Variants in LRRIQ3 observed in about 807,000 individuals in gnomAD.
LRRIQ3 encodes the protein leucine-rich repeat and IQ domain-containing protein 3.
In LRRIQ3, 75 loss-of-function variants were observed where a neutral mutation model predicts 59.3. The observed-to-expected ratio is 1.26, with a 90% CI of 1.05 to 1.53. The LOEUF is 1.53. Among genes scored for constraint, LRRIQ3 ranks in the 40% most tolerant of loss-of-function variants. The pLI, the probability that LRRIQ3 is intolerant of heterozygous loss-of-function variation, is 0.00. For synonymous variants in LRRIQ3, 250 were observed against 231.3 expected, an observed-to-expected ratio of 1.08 and a Z score of -0.73; for missense variants, 831 against 710.0, an observed-to-expected ratio of 1.17 and a Z score of -1.94.
chr1:74,179,207 T>A (rs1209376303), intron 3 of LRRIQ3, among the ~76,000 whole-genome samples: 1 of 152,076 alleles, frequency 6.6e-6, no homozygotes, highest in Non-Finnish European at 1.5e-5. Context: ...TGATTTTAGA[T>A]AACTAAGCAC....
chr1:74,152,236 GATTATA>G (rs1488447455), intron 4 of LRRIQ3, among the ~76,000 whole-genome samples: 1 of 151,396 alleles, frequency 6.6e-6, no homozygotes, highest in African/African-American at 2.4e-5. Context: ...AAACCAGAAG[GATTATA>G]ATTATAAATG....
At chr1:74,134,630 T>A (rs1647089546) in intron 4 of LRRIQ3, among the ~76,000 whole-genome samples, 1 of 151,670 alleles carries the variant, frequency 6.6e-6, no homozygotes, top group Admixed American at 6.6e-5. Context: ...GGTAGAGGGA[T>A]TTAAGTTTTA....
At chr1:74,094,825 C>G (rs1015854620) in intron 5 of LRRIQ3, among the ~76,000 whole-genome samples, 22 of 152,066 alleles carry the variant, frequency 1.4e-4, no homozygotes, top group African/African-American at 4.8e-4. Context: ...GTGACATAAG[C>G]TTTTAGGTTT....
intron 5 of LRRIQ3, 101 bp downstream of exon 5, chr1:74,109,293 G>A (rs1187624687): frequency 2.4e-6 from 2 of 831,306 alleles, no homozygotes; most frequent in African/African-American, 1.7e-5. Flanking sequence ...ATGTAATGAA[G>A]GACATTTAAT....
intron 6 of LRRIQ3, among the ~76,000 whole-genome samples, chr1:74,073,315 C>A (rs1655078219): frequency 1.3e-5 from 2 of 152,030 alleles, no homozygotes; most frequent in Non-Finnish European, 2.9e-5. Flanking sequence ...AGTTCAAGAC[C>A]AGCCTGGGCA....
Position 74,041,357 on chromosome 1 carries a change from C to A in LRRIQ3, c.1574G>T (p.Arg525Leu). ...AAGTAGTCCTCTGGTCAAAAGAGTG[C>A]GCTCATTATTTAAGTTTTGAACTAA... ...RLLVQNLNNE[R>L]TLLTRGLLKI... is the part of the protein sequence containing the mutation. Residue 525 changes from arginine (R) to leucine (L), a missense_variant, in exon 7 of 8, where the codon CGC becomes CTC. By Grantham distance (102) the Arg-to-Leu change is moderately radical. Transcript: ENST00000354431. The A allele has an allele frequency of 1.2e-6, 2 of 1,613,758 alleles. No individual in the cohort carries two copies. Among genetic ancestry groups the A allele is most frequent in the Non-Finnish European group, 1.7e-6 (2 of 1,179,868 alleles).
At chr1:74,110,712 T>A (rs563159007) in intron 4 of LRRIQ3, among the ~76,000 whole-genome samples, 2 of 152,226 alleles carry the variant, frequency 1.3e-5, no homozygotes, top group East Asian at 3.9e-4. Flanking sequence ...TAAGATGTTT[T>A]AAGCAGACTC....
chr1:74,085,836 C>G (rs927428887), intron 5 of LRRIQ3, among the ~76,000 whole-genome samples: 2 of 151,998 alleles, frequency 1.3e-5, no homozygotes, highest in South Asian at 4.1e-4. Context: ...AGACTTTGCT[C>G]TCAATAATTG....
intron 4 of LRRIQ3, among the ~76,000 whole-genome samples, chr1:74,125,197 T>C (rs1259138202): frequency 6.6e-6 from 1 of 151,900 alleles, no homozygotes; most frequent in Non-Finnish European, 1.5e-5. Flanking sequence ...GGTTTTTCTA[T>C]GTTGATTTTG....
chr1:74,198,135 T>A lies in LRRIQ3; in HGVS notation c.-140A>T. 6.9e-7 allele frequency: 1 copy of A among 1,458,598 alleles called. No individual in the cohort carries two copies. The allele number at this position is 1,458,598 out of a possible 1,614,324, so 90.4% of individuals were successfully genotyped here. ...GACAACATCCAAGTTCTCCACATCA[T>A]GGTTTTCCGGGCGCCAGCCAAGGCG... On this transcript the variant is annotated 5_prime_UTR_variant, in exon 1 of 8. It removes an upstream start codon present in the reference 5' UTR. Transcript: ENST00000354431.
intron 6 of LRRIQ3, chr1:74,050,660 C>T: frequency 1.3e-6 from 1 of 755,408 alleles, no homozygotes; most frequent in Non-Finnish European, 1.6e-6. Flanking sequence ...AGTTGCTTTC[C>T]TCAGCAAACT....
At position 74,197,790 on chromosome 1, in the gene LRRIQ3, G is replaced by A. The variant is rs947473135; in HGVS notation, c.-1+206C>T. ...GTGTATGTATCATGACCCAGGGTTG[G>A]GGGCAGATGGCCCGGGGTGGCGGGG... On this transcript the variant is annotated intron_variant, in intron 1 of 7. Coordinates refer to ENST00000354431, the MANE Select transcript of LRRIQ3 (RefSeq NM_001105659.2). Among the ~76,000 whole-genome samples the A allele has an allele frequency of 5.3e-5, 8 of 152,268 alleles. 1 individual carries two copies. The highest frequency in any genetic ancestry group is 6.5e-5 in the Admixed American group (1 of 15,298).
intron 5 of LRRIQ3, among the ~76,000 whole-genome samples, chr1:74,107,024 CTCTA>C (rs1407060501): frequency 6.6e-6 from 1 of 151,992 alleles, no homozygotes. Flanking sequence ...ACTTCTGGTT[CTCTA>C]TCTCATTTAC....
At chr1:74,164,537 G>A (rs1032804913) in intron 3 of LRRIQ3, among the ~76,000 whole-genome samples, 7 of 151,432 alleles carry the variant, frequency 4.6e-5, no homozygotes, top group African/African-American at 1.7e-4. Context: ...AAGCTACCTA[G>A]TGGTACTTTG....
chr1:74,139,153 T>C (rs961264940), intron 4 of LRRIQ3, among the ~76,000 whole-genome samples: 7 of 151,290 alleles, frequency 4.6e-5, no homozygotes, highest in Middle Eastern at 6.9e-3. Context: ...TGTGTGTGTG[T>C]ATATATATAC....
intron 4 of LRRIQ3, among the ~76,000 whole-genome samples, chr1:74,151,489 T>C (rs985666958): frequency 6.6e-5 from 10 of 151,752 alleles, no homozygotes; most frequent in Non-Finnish European, 1.2e-4. Flanking sequence ...CATAGACAAT[T>C]GTAAGCCCAC....
intron 4 of LRRIQ3, among the ~76,000 whole-genome samples, chr1:74,134,651 G>A (rs1427094003): frequency 6.6e-6 from 1 of 151,772 alleles, no homozygotes; most frequent in Non-Finnish European, 1.5e-5. Flanking sequence ...CTGGAGCAAA[G>A]TTCTATATTT....
At chr1:74,063,293 T>C (rs568713614) in intron 6 of LRRIQ3, among the ~76,000 whole-genome samples, 1 of 152,220 alleles carries the variant, frequency 6.6e-6, no homozygotes, top group South Asian at 2.1e-4. Flanking sequence ...AATTTCTTGA[T>C]TCTTTTCATA....
chr1:74,061,668 T>C (rs577325962), intron 6 of LRRIQ3, among the ~76,000 whole-genome samples: 1 of 152,230 alleles, frequency 6.6e-6, no homozygotes, highest in East Asian at 1.9e-4. Context: ...ACCTAGGAAA[T>C]ACCATTCTGG....
Sources: gnomAD v4.1 joint callset for allele counts (sites outside exome capture counted in the v4.1 genomes callset) on GRCh38, gnomAD v4.1.1 for gene constraint, MANE v1.5 for transcripts, NCBI Gene and HGNC (gene_info 2026-07-23, HGNC 2026-07-21) for gene names.